NRXN3: variants seen among roughly 807,000 people sequenced by gnomAD.
NRXN3 encodes neurexin III.
NRXN3 carries 32 observed loss-of-function variants against 137.6 expected under a neutral mutation model. The ratio of observed to expected loss-of-function variants is 0.23; its 90% CI spans 0.18 to 0.31. NRXN3 has a LOEUF of 0.31. Ranked by LOEUF, NRXN3 falls within the 10% of genes least tolerant of loss-of-function variation. NRXN3 has a pLI of 1.00. For missense variants in NRXN3, 1,574 were observed against 2,062.5 expected, an observed-to-expected ratio of 0.76 and a Z score of 4.59; for synonymous variants, 798 against 784.5, an observed-to-expected ratio of 1.02 and a Z score of -0.29.
In NRXN3 at chr14:78,376,554, G is replaced by T. The variant is rs547929573; in HGVS notation, c.757+78694G>T. On this transcript the variant is annotated intron_variant, in intron 4 of 20. Transcript: ENST00000335750. ...AACATGAGAGGGAAAAGGGAAACCA[G>T]TTAGGAACCTTGGGACTCGTGGGAA... Among the ~76,000 whole-genome samples the T allele has an allele frequency of 2.4e-4, 36 of 152,330 alleles. 1 individual carries two copies. The South Asian group carries it at 7.3e-3, about 31-fold the overall frequency.
At chr14:79,273,200 A>AAAAG (rs1387362455) in intron 15 of NRXN3, among the ~76,000 whole-genome samples, 3 of 127,654 alleles carry the variant, frequency 2.4e-5, no homozygotes, top group Non-Finnish European at 3.3e-5. Flanking sequence ...AAAAAAAAAA[A>AAAAG]TGGGTGGGAG....
intron 11 of NRXN3, among the ~76,000 whole-genome samples, chr14:78,959,247 A>G (rs2099403425): frequency 6.6e-6 from 1 of 151,894 alleles, no homozygotes; most frequent in African/African-American, 2.4e-5. Flanking sequence ...TAGCTGTGTT[A>G]AGCATATCAG....
At chr14:78,927,895 T>G (rs2099310451) in intron 10 of NRXN3, among the ~76,000 whole-genome samples, 2 of 152,146 alleles carry the variant, frequency 1.3e-5, no homozygotes, top group African/African-American at 4.8e-5. Flanking sequence ...TTGGACAGTT[T>G]GCAAATGAGT....
intron 8 of NRXN3, among the ~76,000 whole-genome samples, chr14:78,801,697 TATAATC>T (rs1300643178): frequency 2.0e-5 from 3 of 152,208 alleles, no homozygotes; most frequent in Admixed American, 2.0e-4. Context: ...AATAGTTTGT[TATAATC>T]TGAGCATCCT....
At chr14:78,541,867 G>A (rs563012838) in intron 4 of NRXN3, among the ~76,000 whole-genome samples, 8 of 152,352 alleles carry the variant, frequency 5.3e-5, no homozygotes, top group Non-Finnish European at 8.8e-5. Flanking sequence ...CCTTCTAACA[G>A]TCTGGTCCCT....
intron 15 of NRXN3, among the ~76,000 whole-genome samples, chr14:79,093,162 T>C (rs2049532035): frequency 6.6e-6 from 1 of 152,174 alleles, no homozygotes; most frequent in Non-Finnish European, 1.5e-5. Flanking sequence ...TTCAAGAAAG[T>C]ATGATTAGTA....
intron 15 of NRXN3, among the ~76,000 whole-genome samples, chr14:79,150,373 A>T (rs2059688724): frequency 1.3e-5 from 2 of 151,578 alleles, no homozygotes; most frequent in Admixed American, 6.6e-5. Context: ...CACCACCTTC[A>T]CCAGCAGTAG....
chr14:78,171,105 G>C (rs906853366), intron 1 of NRXN3, among the ~76,000 whole-genome samples: 23 of 151,220 alleles, frequency 1.5e-4, no homozygotes, highest in Admixed American at 2.6e-4. Flanking sequence ...TATTTGGGCT[G>C]GTTAAAATGA....
At chr14:79,545,435 CTT>C (rs2097310168) in intron 16 of NRXN3, among the ~76,000 whole-genome samples, 1 of 152,104 alleles carries the variant, frequency 6.6e-6, no homozygotes, top group Non-Finnish European at 1.5e-5. Context: ...GGCTGTCTCT[CTT>C]GTTCTCACTC....
intron 1 of NRXN3, among the ~76,000 whole-genome samples, chr14:78,219,388 C>T (rs2153422623): frequency 6.6e-6 from 1 of 152,174 alleles, no homozygotes; most frequent in Non-Finnish European, 1.5e-5. Flanking sequence ...TCCAAAAGGC[C>T]ACTGTTGAGA....
At chr14:78,926,861 AATATATATATAATATATAATATATTTAT>A (rs2099301696) in intron 10 of NRXN3, among the ~76,000 whole-genome samples, 1 of 20,208 alleles carries the variant, frequency 4.9e-5, no homozygotes, top group Non-Finnish European at 6.9e-5. Flanking sequence ...TTATATATAT[AATATATATATAATATATAATATATTTAT>A]ATATATATAT....
rs901939929 is a variant in NRXN3 at position 78,224,801 on chromosome 14, C to T, written c.-703-17590C>T. Among the ~76,000 whole-genome samples the T allele has an allele frequency of 2.7e-3, 357 of 131,128 alleles. 3 individuals are homozygous for T. The highest frequency in any genetic ancestry group is 9.7e-3 in the African/African-American group (345 of 35,668). 86.0% of individuals were successfully genotyped at this position (131,128 alleles called of 152,430 possible). ...TTGAGACGGAGTCTCGCTCTGTCGCCCAGGCTGGACTGCGGACTGCAGTGG... is the reference window on the plus strand; with the variant it reads ...TTGAGACGGAGTCTCGCTCTGTCGCTCAGGCTGGACTGCGGACTGCAGTGG... On this transcript the variant is annotated intron_variant, in intron 1 of 20. Transcript: ENST00000335750.
intron 10 of NRXN3, among the ~76,000 whole-genome samples, chr14:78,911,735 A>G (rs154322): frequency 0.012 from 1,858 of 152,282 alleles, 41 homozygotes; most frequent in African/African-American, 0.042. Flanking sequence ...ACAGTAACAC[A>G]TACTAAAATA....
chr14:79,093,214 C>G (rs899109094), intron 15 of NRXN3, among the ~76,000 whole-genome samples: 1 of 152,046 alleles, frequency 6.6e-6, no homozygotes, highest in Non-Finnish European at 1.5e-5. Context: ...TCAGACTTGA[C>G]AGGGTGAGGG....
In NRXN3 at chr14:78,891,986, G is replaced by A. The variant is rs190079875; in HGVS notation, c.2276-65256G>A. 2.3e-3 allele frequency among the ~76,000 whole-genome samples: 348 copies of A among 152,060 alleles called. 6 individuals are homozygous for A. The highest frequency in any genetic ancestry group is 2.1e-3 in the East Asian group (11 of 5,154). ...TTTCTGTTCCCAAGAAGCTTTATAA[G>A]GGGAAGTGAGACATGCTCAGTCTTG... On this transcript the variant is annotated intron_variant, in intron 10 of 20. Transcript: ENST00000335750.
Position 79,486,960 on chromosome 14 carries a change from T to TCTCTCC in NRXN3, c.3444+19559_3444+19560insTCTCCC, listed in dbSNP as rs1365006345. 2.1e-3 allele frequency among the ~76,000 whole-genome samples: 240 copies of TCTCTCC among 112,080 alleles called. 2 individuals carry two copies. Among genetic ancestry groups the TCTCTCC allele is most frequent in the African/African-American group, 8.0e-3 (227 of 28,550 alleles). The allele number at this position is 112,080 out of a possible 152,430, so 73.5% of individuals were successfully genotyped here. ...CTCTCTCTCTCTCTCTCTCTCTCTC[T>TCTCTCC]CCCACACACACACACCCCAAGATAA... On this transcript the variant is annotated intron_variant, in intron 16 of 20. Coordinates refer to ENST00000335750, the MANE Select transcript of NRXN3 (RefSeq NM_001330195.2).
At chr14:78,913,395 T>C (rs552743489) in intron 10 of NRXN3, among the ~76,000 whole-genome samples, 1 of 147,702 alleles carries the variant, frequency 6.8e-6, no homozygotes, top group East Asian at 2.1e-4. Context: ...TTCTCCTGCC[T>C]CAGCCTCCTG....
chr14:79,325,063 A>G (rs1439257107), intron 15 of NRXN3, among the ~76,000 whole-genome samples: 1 of 152,036 alleles, frequency 6.6e-6, no homozygotes, highest in Non-Finnish European at 1.5e-5. Flanking sequence ...TTGGCTATTT[A>G]TTTCTATAAT....
At chr14:78,361,291 A>G (rs1318112402) in intron 4 of NRXN3, among the ~76,000 whole-genome samples, 1 of 152,218 alleles carries the variant, frequency 6.6e-6, no homozygotes, top group Non-Finnish European at 1.5e-5. Context: ...CTAAAGTGCA[A>G]TCAGAGTTGA....
Sources: gnomAD v4.1 joint callset for allele counts (sites outside exome capture counted in the v4.1 genomes callset) on GRCh38, gnomAD v4.1.1 for gene constraint, MANE v1.5 for transcripts, NCBI Gene and HGNC (gene_info 2026-07-23, HGNC 2026-07-21) for gene names.